The following RPS6KC1 variants were observed in gnomAD, a reference collection of about 807,000 sequenced individuals.
RPS6KC1 encodes the protein ribosomal protein S6 kinase C1.
RPS6KC1 carries 54 observed loss-of-function variants against 103.8 expected under a neutral mutation model. The ratio of observed to expected loss-of-function variants is 0.52; its 90% CI spans 0.42 to 0.65. The LOEUF is 0.65. RPS6KC1 is among the 30% of genes least tolerant of loss of function. The pLI is 0.00. For synonymous variants in RPS6KC1, 439 were observed against 438.7 expected (o/e 1.00, Z -0.01); for missense variants, 1,151 against 1,253.8 (o/e 0.92, Z 1.24).
At chr1:213,545,653 G>A in the RPS6KC1 span, among the ~76,000 whole-genome samples, 2 of 151,948 alleles carry the variant, frequency 1.3e-5, no homozygotes, top group African/African-American at 4.8e-5. Flanking sequence ...TCCAAATAAG[G>A]TCTCATTCTG....
At position 213,051,412 on chromosome 1, in the gene RPS6KC1, C is replaced by A. The variant is rs758603225; in HGVS notation, c.8C>A (p.Ser3Tyr). Residue 3 changes from serine (S) to tyrosine (Y), a missense_variant, in exon 1 of 15, where the codon TCT becomes TAT. By Grantham distance (144) the Ser-to-Tyr change is moderately radical (BLOSUM62 -2). Around this residue, in one of 3 missense-constraint regions of RPS6KC1, gnomAD observed 959 missense variants for 1,006.3 expected, o/e 0.95. Coordinates refer to ENST00000366960, the MANE Select transcript of RPS6KC1 (RefSeq NM_012424.6). Reference sequence around the variant, plus strand: ...GGCAGAGGCGGCGGGAGGATGACCTCTTACCGGGAGCGGAGTGCCGACCTG... The same window carrying A: ...GGCAGAGGCGGCGGGAGGATGACCTATTACCGGGAGCGGAGTGCCGACCTG... MT[S>Y]YRERSADLAR... 5 of 1,612,516 alleles carry A rather than the reference C, an allele frequency of 3.1e-6. No individual in the cohort carries two copies. In the South Asian group the frequency reaches 5.5e-5, roughly 18 times the overall value.
At chr1:213,292,841 C>T in the RPS6KC1 span, among the ~76,000 whole-genome samples, 1 of 152,152 alleles carries the variant, frequency 6.6e-6, no homozygotes, top group Non-Finnish European at 1.5e-5. Flanking sequence ...TAACACCTCT[C>T]TGGCCAATGA....
chr1:213,259,734 A>ATTTTTTT (rs71147063), intron 12 of RPS6KC1, among the ~76,000 whole-genome samples: 63 of 97,888 alleles, frequency 6.4e-4, no homozygotes, highest in Non-Finnish European at 8.5e-4. Flanking sequence ...TGTTTTTTTA[A>ATTTTTTT]TTTTTTTTTT....
intron 4 of RPS6KC1, among the ~76,000 whole-genome samples, chr1:213,114,838 T>C (rs1367311630): frequency 2.6e-4 from 40 of 152,250 alleles, no homozygotes; most frequent in Non-Finnish European, 4.6e-4. Flanking sequence ...TGGTTCTGTT[T>C]ATATGCTGGA....
the RPS6KC1 span, among the ~76,000 whole-genome samples, chr1:213,593,752 G>A: frequency 0.01 from 1,579 of 152,254 alleles, 29 homozygotes; most frequent in African/African-American, 0.036. Flanking sequence ...GGCATGTGGC[G>A]AGTGGAGGAA....
chr1:213,392,722 G>A, the RPS6KC1 span, among the ~76,000 whole-genome samples: 2 of 152,220 alleles, frequency 1.3e-5, no homozygotes, highest in African/African-American at 4.8e-5. Context: ...CTGCACATGT[G>A]TAGTGTGCCA....
At chr1:213,654,700 C>T in the RPS6KC1 span, among the ~76,000 whole-genome samples, 2 of 152,144 alleles carry the variant, frequency 1.3e-5, no homozygotes, top group African/African-American at 4.8e-5. Context: ...TTTCTAATAA[C>T]AGTGAGCCTT....
chr1:213,618,697 T>C, the RPS6KC1 span, among the ~76,000 whole-genome samples: 1 of 152,212 alleles, frequency 6.6e-6, no homozygotes, highest in Non-Finnish European at 1.5e-5. Context: ...ACTACTGATG[T>C]TAGTGGGTGG....
At chr1:213,363,807 TTTCTTTCTTC>T in the RPS6KC1 span, among the ~76,000 whole-genome samples, 2 of 90,300 alleles carry the variant, frequency 2.2e-5, no homozygotes, top group East Asian at 4.6e-4. Context: ...TCTTTCTTTC[TTTCTTTCTTC>T]TCTCTTTTTT....
the RPS6KC1 span, among the ~76,000 whole-genome samples, chr1:213,769,719 AG>A: frequency 6.6e-6 from 1 of 152,320 alleles, no homozygotes; most frequent in Admixed American, 6.5e-5. Context: ...CAAGAAAAGG[AG>A]GAAGAAAAAG....
At chr1:213,471,078 A>T in the RPS6KC1 span, among the ~76,000 whole-genome samples, 1 of 108,268 alleles carries the variant, frequency 9.2e-6, no homozygotes, top group African/African-American at 3.3e-5. Flanking sequence ...GGAGGTAGCA[A>T]TGGTGATTTT....
the RPS6KC1 span, among the ~76,000 whole-genome samples, chr1:213,601,690 C>T: frequency 6.6e-6 from 1 of 151,836 alleles, no homozygotes; most frequent in Admixed American, 6.6e-5. Context: ...TTAATGGTGT[C>T]TGAAGATTCT....
chr1:213,642,559 C>T, the RPS6KC1 span, among the ~76,000 whole-genome samples: 34 of 152,006 alleles, frequency 2.2e-4, no homozygotes, highest in Admixed American at 9.8e-4. Flanking sequence ...TCTTATTAAT[C>T]GTAGGAGGTT....
At chr1:213,282,178 G>A in the RPS6KC1 span, among the ~76,000 whole-genome samples, 2 of 152,192 alleles carry the variant, frequency 1.3e-5, no homozygotes, top group Admixed American at 1.3e-4. Flanking sequence ...GTCACAAAAC[G>A]GAGTTTCTTT....
chr1:213,750,285 C>T, the RPS6KC1 span, among the ~76,000 whole-genome samples: 1 of 152,242 alleles, frequency 6.6e-6, no homozygotes, highest in African/African-American at 2.4e-5. Flanking sequence ...AATCTTCTGT[C>T]TCATACACTG....
At chr1:213,611,647 G>A in the RPS6KC1 span, among the ~76,000 whole-genome samples, 1 of 152,140 alleles carries the variant, frequency 6.6e-6, no homozygotes, top group Non-Finnish European at 1.5e-5. Flanking sequence ...CAGAGCCTTG[G>A]GTGTGCTAAT....
At chr1:213,281,324 T>C in the RPS6KC1 span, among the ~76,000 whole-genome samples, 1 of 152,248 alleles carries the variant, frequency 6.6e-6, no homozygotes, top group African/African-American at 2.4e-5. Flanking sequence ...TGGATAGAAT[T>C]TGCTATTTTG....
chr1:213,436,127 G>A, the RPS6KC1 span, among the ~76,000 whole-genome samples: 18 of 152,282 alleles, frequency 1.2e-4, no homozygotes, highest in East Asian at 3.3e-3. Flanking sequence ...CAGGTAGAAG[G>A]GTAAAGCTGG....
At chr1:213,555,425 C>T in the RPS6KC1 span, among the ~76,000 whole-genome samples, 4 of 152,148 alleles carry the variant, frequency 2.6e-5, no homozygotes, top group South Asian at 8.3e-4. Flanking sequence ...CTGGGAAGTT[C>T]TGGGGATTGC....
Sources: gnomAD v4.1 joint callset for allele counts (sites outside exome capture counted in the v4.1 genomes callset) on GRCh38, gnomAD v4.1.1 for gene constraint, gnomAD v4.1.1 regional missense constraint, MANE v1.5 for transcripts, NCBI Gene and HGNC (gene_info 2026-07-23, HGNC 2026-07-21) for gene names.